Variants in NUP133 observed in about 807,000 individuals in gnomAD.
NUP133 encodes nuclear pore complex protein Nup133.
NUP133 carries 66 observed loss-of-function variants against 146.2 expected under a neutral mutation model. That is an observed-to-expected ratio of 0.45 (90% confidence interval 0.37 to 0.55). NUP133 has a LOEUF of 0.55. Among genes scored for constraint, NUP133 ranks in the 20% least tolerant of loss-of-function variants. The pLI is 0.00. For synonymous variants in NUP133, 521 were observed against 498.8 expected (o/e 1.04, Z -0.59); for missense variants, 1,277 against 1,374.8 (o/e 0.93, Z 1.12).
chr1:229,502,964 T>C (rs1461792764), intron 2 of NUP133, among the ~76,000 whole-genome samples: 3 of 151,750 alleles, frequency 2.0e-5, no homozygotes, highest in Non-Finnish European at 4.4e-5. Context: ...AAAAAATAAG[T>C]AAGCAGAAAC....
intron 2 of NUP133, among the ~76,000 whole-genome samples, chr1:229,503,635 C>T (rs894679637): frequency 1.3e-5 from 2 of 152,202 alleles, no homozygotes; most frequent in Non-Finnish European, 2.9e-5. Context: ...AGACAATGTA[C>T]AAGCAAAAAT....
Position 229,498,763 on chromosome 1 carries a change from GAA to G in NUP133, c.649-459_649-458del, listed in dbSNP as rs536811534. On this transcript the variant is annotated intron_variant, in intron 5 of 25. Transcript: ENST00000261396. The stretch of plus-strand genomic sequence containing the variant: ...AGAGTAAAACTGTGTCTCGAAAAAA[GAA>G]AAAAAAAAAAAACAACTTTTGTAGC... Among the ~76,000 whole-genome samples, 455 of 96,340 alleles carry G rather than the reference GAA, an allele frequency of 4.7e-3. 2 individuals carry two copies. Among genetic ancestry groups the G allele is most frequent in the African/African-American group, 0.016 (437 of 26,546 alleles). 63.2% of individuals were successfully genotyped at this position (96,340 alleles called of 152,430 possible).
Position 229,441,565 on chromosome 1 carries a change from C to A in NUP133, c.*339G>T. Reference sequence around the variant, plus strand: ...CAAGCTAGTGCAATCTAGTAATTTTCATAGTCGCAGAAACTGAGGCCTAGA... The same window carrying A: ...CAAGCTAGTGCAATCTAGTAATTTTAATAGTCGCAGAAACTGAGGCCTAGA... On this transcript the variant is annotated 3_prime_UTR_variant, in exon 26 of 26. Coordinates refer to ENST00000261396, the MANE Select transcript of NUP133 (RefSeq NM_018230.3). 2.2e-6 allele frequency: 1 copy of A among 445,842 alleles called. No homozygotes were observed. Among genetic ancestry groups the A allele is most frequent in the Non-Finnish European group, 4.6e-6 (1 of 218,578 alleles). The allele number at this position is 445,842 out of a possible 1,614,324, so 27.6% of individuals were successfully genotyped here.
intron 13 of NUP133, among the ~76,000 whole-genome samples, chr1:229,477,246 T>C (rs566180799): frequency 7.9e-5 from 12 of 152,100 alleles, no homozygotes; most frequent in African/African-American, 2.9e-4. Flanking sequence ...AAGACCAACC[T>C]GGCTAACACA....
At chr1:229,492,390 A>T (rs950716399) in intron 8 of NUP133, among the ~76,000 whole-genome samples, 5 of 152,192 alleles carry the variant, frequency 3.3e-5, no homozygotes, top group African/African-American at 1.2e-4. Context: ...TACAGGCACG[A>T]GCCACTGCGC....
chr1:229,461,644 A>G (rs1660692460), intron 19 of NUP133, among the ~76,000 whole-genome samples: 1 of 152,234 alleles, frequency 6.6e-6, no homozygotes, highest in Non-Finnish European at 1.5e-5. Flanking sequence ...CAGATATAGG[A>G]AGCAGAAAAC....
At chr1:229,482,093 A>G (rs1198738417) in intron 12 of NUP133, among the ~76,000 whole-genome samples, 1 of 152,250 alleles carries the variant, frequency 6.6e-6, no homozygotes, top group African/African-American at 2.4e-5. Flanking sequence ...GAGATTTTTG[A>G]AGACTGAACC....
intron 5 of NUP133, chr1:229,499,242 C>G (rs1272862834): frequency 2.1e-6 from 1 of 471,044 alleles, no homozygotes. Flanking sequence ...ATAATGCAAG[C>G]CATTCTTTAT....
At chr1:229,466,262 G>C (rs1013661569) in intron 16 of NUP133, among the ~76,000 whole-genome samples, 1 of 152,194 alleles carries the variant, frequency 6.6e-6, no homozygotes, top group Non-Finnish European at 1.5e-5. Context: ...CGTGAGCCCA[G>C]AGTTCAAGGT....
intron 19 of NUP133, 57 bp from the exon 20 acceptor site, chr1:229,460,826 A>G: frequency 1.4e-6 from 2 of 1,447,486 alleles, no homozygotes; most frequent in South Asian, 2.6e-5. Flanking sequence ...CACATTTCTG[A>G]TAACAAAACA....
chr1:229,456,969 A>AG (rs1660583255), intron 21 of NUP133, among the ~76,000 whole-genome samples: 1 of 151,798 alleles, frequency 6.6e-6, no homozygotes, highest in Non-Finnish European at 1.5e-5. Flanking sequence ...CTGGGACTAC[A>AG]GGCGCACACC....
intron 8 of NUP133, among the ~76,000 whole-genome samples, chr1:229,492,361 C>T (rs1003136114): frequency 6.6e-6 from 1 of 152,170 alleles, no homozygotes; most frequent in Non-Finnish European, 1.5e-5. Context: ...CCCACCTCAG[C>T]CTCCCAAAGT....
At chr1:229,485,238 TG>T (rs1396087437) in intron 11 of NUP133, among the ~76,000 whole-genome samples, 2 of 152,130 alleles carry the variant, frequency 1.3e-5, no homozygotes, top group East Asian at 3.8e-4. Flanking sequence ...GCAGAAGGAA[TG>T]GGAAATGGCC....
At chr1:229,457,648 T>C (rs980932365) in intron 21 of NUP133, among the ~76,000 whole-genome samples, 13 of 152,244 alleles carry the variant, frequency 8.5e-5, no homozygotes, top group African/African-American at 2.9e-4. Flanking sequence ...ATTCTCTTGT[T>C]GTAATTTTAA....
intron 25 of NUP133, 22 bp from the exon 26 acceptor site, chr1:229,442,062 G>A (rs1660195883): frequency 1.3e-6 from 2 of 1,538,328 alleles, no homozygotes; most frequent in East Asian, 2.5e-5. Flanking sequence ...AACACAAGAA[G>A]TCATTTTTCA....
rs185351603 is a variant in NUP133 at position 229,499,704 on chromosome 1, T to C, written c.628A>G (p.Ser210Gly). Residue 210 changes from serine to glycine, a missense_variant, in exon 5 of 26, where the codon AGT becomes GGT. By Grantham distance (56) the Ser-to-Gly change is moderately conservative (BLOSUM62 0). Transcript: ENST00000261396. ...FVDSGGDKTY[S>G]FLTAVQGGSF... ...TATACCTGCACTGCTGTTAGGAAAC[T>C]GTAAGTCTTATCACCTCCCGAATCT... 7.7e-5 allele frequency: 125 copies of C among 1,614,016 alleles called. No individual in the cohort carries two copies. The Admixed American group carries it at 2.0e-3, about 25-fold the overall frequency.
At chr1:229,460,808 TA>T in intron 19 of NUP133, 39 bp from the exon 20 acceptor site, 2 of 1,535,228 alleles carry the variant, frequency 1.3e-6, no homozygotes, top group Non-Finnish European at 1.8e-6. Flanking sequence ...CATAATAGTT[TA>T]AAAAAACACA....
intron 21 of NUP133, among the ~76,000 whole-genome samples, chr1:229,456,314 G>A (rs1265324735): frequency 6.6e-6 from 1 of 152,142 alleles, no homozygotes; most frequent in Non-Finnish European, 1.5e-5. Flanking sequence ...GTTATTCACC[G>A]TGGTTGTAAT....
In NUP133 at chr1:229,500,827, C is replaced by T. The variant is rs1209073846; in HGVS notation, c.442G>A (p.Asp148Asn). ...ACTAAGTCGGCACTCCAGTGGAAATCACTAGGTGGCAGCTGAAGTTCTTTG... is the reference window on the plus strand; with the variant it reads ...ACTAAGTCGGCACTCCAGTGGAAATTACTAGGTGGCAGCTGAAGTTCTTTG... ...VCKELQLPPS[D>N]FHWSADLVAL... Residue 148 changes from aspartate (D) to asparagine (N), a missense_variant, in exon 4 of 26, where the codon GAT becomes AAT. By Grantham distance (23) the Asp-to-Asn change is conservative. Transcript: ENST00000261396. The T allele has an allele frequency of 4.3e-6, 7 of 1,612,984 alleles. No individual in the cohort carries two copies. Among genetic ancestry groups the T allele is most frequent in the Non-Finnish European group, 5.1e-6 (6 of 1,179,298 alleles).
Sources: allele counts gnomAD v4.1 joint callset (sites outside exome capture counted in the v4.1 genomes callset), GRCh38; gene constraint gnomAD v4.1.1; transcripts MANE v1.5; gene names NCBI Gene and HGNC (gene_info 2026-07-23, HGNC 2026-07-21).